Variants in ZSWIM9 observed in about 807,000 individuals in gnomAD.
ZSWIM9 encodes zinc finger SWIM-type containing 9.
ZSWIM9 carries 11 observed loss-of-function variants against 25.0 expected under a neutral mutation model. The observed-to-expected ratio is 0.44, with a 90% confidence interval of 0.28 to 0.73. The LOEUF (loss-of-function observed/expected upper bound fraction) is 0.73. ZSWIM9 is among the 30% of genes least tolerant of loss of function. The probability of loss-of-function intolerance (pLI) is 0.16; values close to 1 mark genes in which losing one functional copy is unlikely to be tolerated. For synonymous variants in ZSWIM9, 562 were observed against 582.1 expected (o/e 0.97, Z 0.50); for missense variants, 1,070 against 1,296.5 (o/e 0.83, Z 2.68).
In ZSWIM9 at chr19:48,196,867, C is replaced by T. The variant is rs2037173731; in HGVS notation, c.*40C>T. 5 of 1,249,434 alleles carry T rather than the reference C, an allele frequency of 4.0e-6. No homozygotes were observed. The highest frequency in any genetic ancestry group is 5.0e-6 in the Non-Finnish European group (5 of 998,152). 77.4% of individuals were successfully genotyped at this position (1,249,434 alleles called of 1,614,324 possible). ...GCCCACCACCCTCCACCAGGAGGGT[C>T]GGAGGGCATTCTTCGATCCCAAAGA... is the stretch of plus-strand genomic sequence containing the variant. On this transcript the variant is annotated 3_prime_UTR_variant, in exon 4 of 4. Coordinates refer to ENST00000614654, the MANE Select transcript of ZSWIM9 (RefSeq NM_199341.4).
At position 48,195,507 on chromosome 19, in the gene ZSWIM9, G is replaced by A. The variant is rs1472709252; in HGVS notation, c.1443G>A (p.Pro481=). The A allele has an allele frequency of 4.2e-6, 6 of 1,413,202 alleles. No individual in the cohort carries two copies. In the African/African-American group the frequency reaches 4.5e-5, roughly 11 times the overall value. 87.5% of individuals were successfully genotyped at this position (1,413,202 alleles called of 1,614,324 possible). Residue 481 remains proline, a synonymous_variant, in exon 4 of 4, where the codon CCG becomes CCA. Transcript: ENST00000614654. The surrounding 1 kb of genome is among the most constrained non-coding windows in gnomAD (Gnocchi z 5.8). The stretch of plus-strand genomic sequence containing the variant: ...AGACAGGCGACTGGGGAGGGGCTCC[G>A]AAAGAAGGAAGTATTTGGAGGGGAG... The part of the protein sequence containing the change: ...GLETGDWGGA[P]KEGSIWRGAQ...
At position 48,195,126 on chromosome 19, in the gene ZSWIM9, G is replaced by C; in HGVS notation, c.1062G>C (p.Ser354=). The C allele has an allele frequency of 2.0e-6, 3 of 1,485,574 alleles. No individual in the cohort carries two copies. Among genetic ancestry groups the C allele is most frequent in the South Asian group, 1.2e-5 (1 of 81,088 alleles). 92.0% of individuals were successfully genotyped at this position (1,485,574 alleles called of 1,614,324 possible). Residue 354 remains serine, a synonymous_variant, in exon 4 of 4, where the codon TCG becomes TCC. Transcript: ENST00000614654. This position sits in a 1 kb window ranked among gnomAD's most constrained non-coding sequence, Gnocchi z 5.8. ...SRLCRLAGAS[S]PAAYDEALAE... ...TGTGCCGCCTGGCTGGCGCGTCGTC[G>C]CCCGCAGCCTACGACGAGGCGCTGG... is the stretch of plus-strand genomic sequence containing the variant.
chr19:48,176,913 TA>T (rs111913140), intron 2 of ZSWIM9, among the ~76,000 whole-genome samples: 6,954 of 145,296 alleles, frequency 0.048, 389 homozygotes, highest in African/African-American at 0.13. Context: ...AAATAAAAAT[TA>T]AAAAAAAAAA....
At chr19:48,185,122 TG>T (rs1282126155) in intron 3 of ZSWIM9, among the ~76,000 whole-genome samples, 1 of 151,122 alleles carries the variant, frequency 6.6e-6, no homozygotes, top group Non-Finnish European at 1.5e-5. Context: ...GTCTGTGTTT[TG>T]ACCTGCTTTC....
intron 2 of ZSWIM9, among the ~76,000 whole-genome samples, chr19:48,178,583 T>TTTCTTC (rs59598904): frequency 6.7e-6 from 1 of 150,242 alleles, no homozygotes; most frequent in Non-Finnish European, 1.5e-5. Context: ...TACTTTTTTT[T>TTTCTTC]TTCTTCTTCT....
intron 3 of ZSWIM9, among the ~76,000 whole-genome samples, chr19:48,192,470 A>ATGTATAT (rs1568582364): frequency 3.9e-5 from 1 of 25,648 alleles, no homozygotes. Context: ...AAAAAAAAAA[A>ATGTATAT]AAAAAAAAAA....
At position 48,197,154 on chromosome 19, in the gene ZSWIM9, AG is replaced by A. The variant is rs1303889997; in HGVS notation, c.*332del. The A allele has an allele frequency of 1.8e-5, 11 of 621,138 alleles. No homozygotes were observed. The highest frequency in any genetic ancestry group is 2.9e-5 in the Non-Finnish European group (10 of 342,878). 38.5% of individuals were successfully genotyped at this position (621,138 alleles called of 1,614,324 possible). Reference sequence around the variant, plus strand: ...GAAGGAAAGGGGCAGAGCTGGGGGGAGGGGGAGGAAGCGATCATATGGGGAG... The same window carrying A: ...GAAGGAAAGGGGCAGAGCTGGGGGGAGGGGAGGAAGCGATCATATGGGGAG... On this transcript the variant is annotated 3_prime_UTR_variant, in exon 4 of 4. Transcript: ENST00000614654.
Position 48,196,802 on chromosome 19 carries a change from G to A in ZSWIM9, c.2738G>A (p.Cys913Tyr). Reference protein sequence around the residue: ...ALFHMDLLRDCWGRAPEP With the variant: ...ALFHMDLLRDYWGRAPEP Reference sequence around the variant, plus strand: ...TTCCACATGGACCTGCTCAGGGATTGCTGGGGGAGAGCCCCAGAGCCCTGA... The same window carrying A: ...TTCCACATGGACCTGCTCAGGGATTACTGGGGGAGAGCCCCAGAGCCCTGA... The change falls in exon 4 of 4, where the codon TGC becomes TAC. Residue 913 changes from cysteine to tyrosine, a missense_variant. By Grantham distance (194) the Cys-to-Tyr change is radical. Coordinates refer to ENST00000614654, the MANE Select transcript of ZSWIM9 (RefSeq NM_199341.4). The A allele has an allele frequency of 1.6e-6, 2 of 1,236,402 alleles. No homozygotes were observed. Among genetic ancestry groups the A allele is most frequent in the South Asian group, 4.0e-5 (1 of 24,694 alleles). 76.6% of individuals were successfully genotyped at this position (1,236,402 alleles called of 1,614,324 possible).
intron 1 of ZSWIM9, 49 bp from the exon 2 acceptor site, chr19:48,171,745 C>G: frequency 6.8e-7 from 1 of 1,471,910 alleles, no homozygotes; most frequent in East Asian, 2.5e-5. Context: ...TGAGATACCC[C>G]GGGTGGGAAT....
rs2037180326 is a variant in ZSWIM9 at position 48,197,289 on chromosome 19, A to T, written c.*462A>T. ...GAGGAGGTAAGCGAGAAAAAATGGA[A>T]AGGGGAGCCGGAAATGGAGGAGAGA... On this transcript the variant is annotated 3_prime_UTR_variant, in exon 4 of 4. Transcript: ENST00000614654. 1.4e-6 allele frequency: 1 copy of T among 702,532 alleles called. No individual in the cohort carries two copies. Among genetic ancestry groups the T allele is most frequent in the African/African-American group, 1.8e-5 (1 of 57,122 alleles). 43.5% of individuals were successfully genotyped at this position (702,532 alleles called of 1,614,324 possible).
Position 48,182,786 on chromosome 19 carries a change from C to A in ZSWIM9, c.588+19C>A. The A allele has an allele frequency of 1.3e-6, 2 of 1,508,810 alleles. No individual in the cohort carries two copies. The highest frequency in any genetic ancestry group is 2.0e-5 in the Admixed American group (1 of 49,456). 93.5% of individuals were successfully genotyped at this position (1,508,810 alleles called of 1,614,324 possible). ...GGCCAAGGTGGGGTCTCGAGAGAGGCAGGCCGGGGGAGGGGGCGGGGGAAA... is the reference window on the plus strand; with the variant it reads ...GGCCAAGGTGGGGTCTCGAGAGAGGAAGGCCGGGGGAGGGGGCGGGGGAAA... On this transcript the variant is annotated intron_variant, in intron 3 of 3. Transcript: ENST00000614654. This position sits in a 1 kb window ranked among gnomAD's most constrained non-coding sequence, Gnocchi z 4.6.
intron 3 of ZSWIM9, among the ~76,000 whole-genome samples, chr19:48,185,111 C>T (rs10421339): frequency 6.6e-6 from 1 of 150,670 alleles, no homozygotes; most frequent in Admixed American, 6.6e-5. Flanking sequence ...TTGGCTCCTG[C>T]GTCTGTGTTT....
At chr19:48,193,857 G>A (rs1375056977) in intron 3 of ZSWIM9, among the ~76,000 whole-genome samples, 1 of 152,176 alleles carries the variant, frequency 6.6e-6, no homozygotes, top group Non-Finnish European at 1.5e-5. Context: ...AAATGAAAGG[G>A]AGGTTAGGGA....
At chr19:48,184,190 G>T (rs750621) in intron 3 of ZSWIM9, among the ~76,000 whole-genome samples, 27,008 of 151,650 alleles carry the variant, frequency 0.18, 3,040 homozygotes, top group African/African-American at 0.32. Context: ...GTCAGGGAAG[G>T]TCTCTTTAGC....
chr19:48,182,620 G>T lies in ZSWIM9; in HGVS notation c.441G>T (p.Pro147=), dbSNP rs16981771. 2 of 1,535,672 alleles carry T rather than the reference G, an allele frequency of 1.3e-6. No homozygotes were observed. Among genetic ancestry groups the T allele is most frequent in the South Asian group, 2.4e-5 (2 of 84,044 alleles). Residue 147 remains proline (P), a synonymous_variant, in exon 3 of 4, where the codon CCG becomes CCT. Coordinates refer to ENST00000614654, the MANE Select transcript of ZSWIM9 (RefSeq NM_199341.4). The surrounding 1 kb of genome is among the most constrained non-coding windows in gnomAD (Gnocchi z 4.6). The part of the protein sequence containing the change: ...PGHLLANACL[P]VRTTNKISKQ... ...ACCTGCTGGCCAACGCCTGCCTGCCGGTGCGCACCACCAACAAGATCTCCA... is the reference window on the plus strand; with the variant it reads ...ACCTGCTGGCCAACGCCTGCCTGCCTGTGCGCACCACCAACAAGATCTCCA...
At chr19:48,186,337 G>C (rs1267612292) in intron 3 of ZSWIM9, among the ~76,000 whole-genome samples, 1 of 151,126 alleles carries the variant, frequency 6.6e-6, no homozygotes, top group African/African-American at 2.5e-5. Flanking sequence ...TTTCACTCCT[G>C]TCACCCAGGC....
At position 48,196,562 on chromosome 19, in the gene ZSWIM9, A is replaced by G. The variant is rs2037169003; in HGVS notation, c.2498A>G (p.Glu833Gly). Residue 833 changes from glutamate (E) to glycine (G), a missense_variant, in exon 4 of 4, where the codon GAG becomes GGG. By Grantham distance (98) the Glu-to-Gly change is moderately conservative. Around this residue, in one of 4 missense-constraint regions of ZSWIM9, gnomAD observed 583 missense variants for 624.7 expected, o/e 0.93. Transcript: ENST00000614654. ...LAKFRAACGP[E>G]LADLVAEELA... is the part of the protein sequence containing the mutation. ...AAATTCCGAGCAGCCTGCGGGCCAG[A>G]GCTGGCAGACCTGGTGGCTGAGGAG... 1 of 1,232,494 alleles carries G rather than the reference A, an allele frequency of 8.1e-7. No individual in the cohort carries two copies. The highest frequency in any genetic ancestry group is 1.0e-6 in the Non-Finnish European group (1 of 988,362). The allele number at this position is 1,232,494 out of a possible 1,614,324, so 76.3% of individuals were successfully genotyped here.
rs2036954837 is a variant in ZSWIM9, at chr19:48,182,234, AG to A, written c.276-219del. ...CATGCTCATGACGATCCTATGAGGA[AG>A]GTATGATGAGTAGGACCTTCCTTGT... On this transcript the variant is annotated intron_variant, in intron 2 of 3. Coordinates refer to ENST00000614654, the MANE Select transcript of ZSWIM9 (RefSeq NM_199341.4). This position sits in a 1 kb window ranked among gnomAD's most constrained non-coding sequence, Gnocchi z 4.6. 2 of 570,528 alleles carry A rather than the reference AG, an allele frequency of 3.5e-6. No homozygotes were observed. Among genetic ancestry groups the A allele is most frequent in the Non-Finnish European group, 6.2e-6 (2 of 322,580 alleles). The allele number at this position is 570,528 out of a possible 1,614,324, so 35.3% of individuals were successfully genotyped here.
intron 3 of ZSWIM9, among the ~76,000 whole-genome samples, chr19:48,188,227 CTT>C (rs796510651): frequency 2.8e-5 from 4 of 144,620 alleles, no homozygotes; most frequent in Admixed American, 7.0e-5. Flanking sequence ...GTGTTAATAC[CTT>C]TTTTTTTTTT....
Sources: gnomAD v4.1 joint callset for allele counts (sites outside exome capture counted in the v4.1 genomes callset) on GRCh38, gnomAD v4.1.1 for gene constraint, gnomAD v4.1.1 regional missense constraint, Gnocchi (gnomAD v3.1) non-coding constraint, MANE v1.5 for transcripts, NCBI Gene and HGNC (gene_info 2026-07-23, HGNC 2026-07-21) for gene names.